Variants in NPAS3 observed in about 807,000 individuals in gnomAD.
NPAS3 encodes neuronal PAS domain-containing protein 3.
A neutral mutation model predicts 73.1 loss-of-function variants in NPAS3; 14 were observed. The observed-to-expected ratio is 0.19, with a 90% CI of 0.13 to 0.30. The LOEUF (loss-of-function observed/expected upper bound fraction) is 0.30. NPAS3 is among the 10% of genes least tolerant of loss of function. The probability of loss-of-function intolerance (pLI) is 1.00; values close to 1 mark genes in which losing one functional copy is unlikely to be tolerated. For synonymous variants in NPAS3, 620 were observed against 541.5 expected (o/e 1.14, Z -2.01); for missense variants, 1,096 against 1,250.0 (o/e 0.88, Z 1.86).
chr14:33,571,720 A>G (rs933049197), intron 5 of NPAS3, among the ~76,000 whole-genome samples: 5 of 152,172 alleles, frequency 3.3e-5, no homozygotes, highest in Admixed American at 6.5e-5. Context: ...TATTTGACTA[A>G]ATTATCTCTG....
intron 6 of NPAS3, among the ~76,000 whole-genome samples, chr14:33,708,948 C>T (rs188354314): frequency 2.3e-4 from 35 of 152,284 alleles, no homozygotes; most frequent in Non-Finnish European, 7.3e-5. Flanking sequence ...CTCAGTATTT[C>T]ATTTTCTCCA....
intron 6 of NPAS3, among the ~76,000 whole-genome samples, chr14:33,715,702 T>A (rs981869581): frequency 6.6e-6 from 1 of 152,210 alleles, no homozygotes; most frequent in South Asian, 2.1e-4. Flanking sequence ...AAATAAAGTT[T>A]AATAAACACT....
chr14:33,566,032 G>A (rs1343176719), intron 5 of NPAS3, among the ~76,000 whole-genome samples: 1 of 152,028 alleles, frequency 6.6e-6, no homozygotes. Flanking sequence ...AAAGAAAAAT[G>A]CCCTTTTGAA....
At chr14:33,335,009 C>G (rs995387891) in intron 3 of NPAS3, among the ~76,000 whole-genome samples, 8 of 147,438 alleles carry the variant, frequency 5.4e-5, no homozygotes, top group Non-Finnish European at 1.0e-4. Context: ...TTGTTTCTTG[C>G]TATGGCTTAG....
chr14:33,600,239 T>C (rs1199506807), intron 5 of NPAS3, among the ~76,000 whole-genome samples: 2 of 152,216 alleles, frequency 1.3e-5, no homozygotes, highest in Non-Finnish European at 1.5e-5. Context: ...CTAGTGCCAT[T>C]AGCTGACTTT....
intron 3 of NPAS3, among the ~76,000 whole-genome samples, chr14:33,251,215 T>C (rs1466988617): frequency 3.3e-5 from 5 of 152,154 alleles, no homozygotes; most frequent in African/African-American, 1.2e-4. Flanking sequence ...TGTGATTCTT[T>C]TCCTAGCCGT....
intron 6 of NPAS3, among the ~76,000 whole-genome samples, chr14:33,728,284 G>A (rs563985527): frequency 6.6e-6 from 1 of 152,280 alleles, no homozygotes; most frequent in East Asian, 1.9e-4. Context: ...TTGGTTGGCA[G>A]ACTATTATTT....
intron 1 of NPAS3, among the ~76,000 whole-genome samples, chr14:32,997,749 C>G (rs1316216774): frequency 6.7e-6 from 1 of 148,270 alleles, no homozygotes; most frequent in Non-Finnish European, 1.5e-5. Context: ...ACGGTGAAAC[C>G]CCGTCTCTAC....
At chr14:33,706,106 G>A (rs556680731) in intron 6 of NPAS3, among the ~76,000 whole-genome samples, 2 of 152,184 alleles carry the variant, frequency 1.3e-5, no homozygotes, top group Admixed American at 6.5e-5. Flanking sequence ...TTAGCACCAT[G>A]GTTGGGAGAG....
intron 3 of NPAS3, among the ~76,000 whole-genome samples, chr14:33,215,995 T>G (rs967744715): frequency 6.6e-6 from 1 of 152,228 alleles, no homozygotes; most frequent in Non-Finnish European, 1.5e-5. Flanking sequence ...CTCTTACAAC[T>G]TAGTATCTTT....
At chr14:33,779,554 T>A (rs2062918523) in intron 9 of NPAS3, among the ~76,000 whole-genome samples, 1 of 152,226 alleles carries the variant, frequency 6.6e-6, no homozygotes, top group Non-Finnish European at 1.5e-5. Flanking sequence ...TATATGATGG[T>A]GGTCCCATGA....
chr14:33,020,766 C>G (rs1595245828), intron 1 of NPAS3, among the ~76,000 whole-genome samples: 1 of 146,278 alleles, frequency 6.8e-6, no homozygotes, highest in Non-Finnish European at 1.5e-5. Context: ...GTTTTTGTTT[C>G]TTTTTTTTTT....
At chr14:32,967,925 G>A (rs1431496095) in intron 1 of NPAS3, among the ~76,000 whole-genome samples, 2 of 48,898 alleles carry the variant, frequency 4.1e-5, no homozygotes, top group Non-Finnish European at 7.9e-5. Context: ...GTGTGTGTGT[G>A]TCATTTGTGA....
At chr14:33,521,248 T>C (rs1378052222) in intron 4 of NPAS3, among the ~76,000 whole-genome samples, 3 of 152,148 alleles carry the variant, frequency 2.0e-5, no homozygotes, top group African/African-American at 7.2e-5. Flanking sequence ...AATTTCTAGA[T>C]ACTTTCCTTG....
intron 2 of NPAS3, among the ~76,000 whole-genome samples, chr14:33,065,771 T>C (rs1012142568): frequency 6.6e-6 from 1 of 152,016 alleles, no homozygotes; most frequent in Non-Finnish European, 1.5e-5. Flanking sequence ...GCAATTCCCA[T>C]TACTTGCATT....
chr14:33,674,678 C>G (rs1263464462), intron 5 of NPAS3, among the ~76,000 whole-genome samples: 1 of 152,150 alleles, frequency 6.6e-6, no homozygotes, highest in African/African-American at 2.4e-5. Flanking sequence ...TTGGGTGATA[C>G]AGGAGGAGAG....
In NPAS3 at chr14:33,239,241, G is replaced by A. The variant is rs183684504; in HGVS notation, c.385+23815G>A. On this transcript the variant is annotated intron_variant, in intron 3 of 11. Transcript: ENST00000356141. Reference sequence around the variant, plus strand: ...ATAAAGGGGAGTTTCAGGGGAAAAAGGGATGAGCAAGTGGAAGAGAGGTGT... The same window carrying A: ...ATAAAGGGGAGTTTCAGGGGAAAAAAGGATGAGCAAGTGGAAGAGAGGTGT... Among the ~76,000 whole-genome samples, 3 of 151,874 alleles carry A rather than the reference G, an allele frequency of 2.0e-5. No individual in the cohort carries two copies. In the East Asian group the frequency reaches 5.8e-4, roughly 29 times the overall value.
chr14:33,071,600 G>A (rs2041486783), intron 2 of NPAS3, among the ~76,000 whole-genome samples: 1 of 152,136 alleles, frequency 6.6e-6, no homozygotes, highest in Non-Finnish European at 1.5e-5. Context: ...AAAAAGGTAA[G>A]CATTTTATGG....
chr14:33,496,476 G>T (rs2052196092), intron 4 of NPAS3, among the ~76,000 whole-genome samples: 1 of 152,086 alleles, frequency 6.6e-6, no homozygotes, highest in Non-Finnish European at 1.5e-5. Context: ...ACCGAATACA[G>T]CAGCACATCA....
Sources: gnomAD v4.1 joint callset for allele counts (sites outside exome capture counted in the v4.1 genomes callset) on GRCh38, gnomAD v4.1.1 for gene constraint, MANE v1.5 for transcripts, NCBI Gene and HGNC (gene_info 2026-07-23, HGNC 2026-07-21) for gene names.